SRGAP1: variants seen among roughly 807,000 people sequenced by gnomAD.
SRGAP1 encodes the protein SLIT-ROBO Rho GTPase activating protein 1.
Under a neutral mutation model 121.9 loss-of-function variants are expected in SRGAP1, and 43 were observed. The ratio of observed to expected loss-of-function variants is 0.35; its 90% CI spans 0.28 to 0.46. SRGAP1 has a LOEUF of 0.46. Among genes scored for constraint, SRGAP1 ranks in the 20% least tolerant of loss-of-function variants. The pLI is 1.00. For missense variants in SRGAP1, 1,102 were observed against 1,350.9 expected (o/e 0.82, Z 2.89); for synonymous variants, 447 against 485.4 (o/e 0.92, Z 1.04).
chr12:64,016,296 G>A (rs1301884745), intron 3 of SRGAP1, among the ~76,000 whole-genome samples: 1 of 152,012 alleles, frequency 6.6e-6, no homozygotes, highest in African/African-American at 2.4e-5. Context: ...AACTAGTTGA[G>A]CTTGGTTGCA....
At chr12:64,007,568 T>C (rs1323260243) in intron 3 of SRGAP1, among the ~76,000 whole-genome samples, 1 of 152,058 alleles carries the variant, frequency 6.6e-6, no homozygotes, top group Non-Finnish European at 1.5e-5. Context: ...ACCCCTGATA[T>C]AAGGAGCAGT....
intron 17 of SRGAP1, among the ~76,000 whole-genome samples, chr12:64,112,501 T>C (rs1463621473): frequency 6.6e-6 from 1 of 152,224 alleles, no homozygotes; most frequent in Non-Finnish European, 1.5e-5. Context: ...TATATTAATA[T>C]ATTTTGGGGA....
intron 2 of SRGAP1, among the ~76,000 whole-genome samples, chr12:63,987,827 G>A (rs979064480): frequency 4.6e-5 from 7 of 152,194 alleles, no homozygotes; most frequent in Non-Finnish European, 7.3e-5. Context: ...ATACCAGCCC[G>A]TGATAAAACA....
In SRGAP1 at chr12:64,039,628, C is replaced by T. The variant is rs564911238; in HGVS notation, c.490-3162C>T. The stretch of plus-strand genomic sequence containing the variant: ...AGCAAGAATACAGACAGCTGAGCAA[C>T]GTGTGTGTGTGTGTGTGTGTGTGTG... On this transcript the variant is annotated intron_variant, in intron 4 of 21. Transcript: ENST00000355086. Among the ~76,000 whole-genome samples, 455 of 130,894 alleles carry T rather than the reference C, an allele frequency of 3.5e-3. 5 individuals are homozygous for T. The highest frequency in any genetic ancestry group is 0.012 in the African/African-American group (427 of 36,720). 85.9% of individuals were successfully genotyped at this position (130,894 alleles called of 152,430 possible).
At chr12:64,042,527 A>T (rs576366535) in intron 4 of SRGAP1, among the ~76,000 whole-genome samples, 10 of 152,160 alleles carry the variant, frequency 6.6e-5, no homozygotes, top group Non-Finnish European at 1.5e-4. Context: ...GTACATTGAA[A>T]AGTATGCATA....
intron 5 of SRGAP1, among the ~76,000 whole-genome samples, 173 bp downstream of exon 5, chr12:64,043,145 A>G (rs961901733): frequency 5.3e-5 from 8 of 152,230 alleles, no homozygotes; most frequent in Non-Finnish European, 7.3e-5. Context: ...TAACAGCTGG[A>G]CATCATTTAG....
chr12:64,014,694 A>G (rs996055610), intron 3 of SRGAP1, among the ~76,000 whole-genome samples: 3 of 152,102 alleles, frequency 2.0e-5, no homozygotes, highest in Non-Finnish European at 4.4e-5. Flanking sequence ...TATAACCCCA[A>G]ACCTAAATCT....
At chr12:63,922,627 C>T (rs1417567064) in intron 1 of SRGAP1, among the ~76,000 whole-genome samples, 1 of 152,186 alleles carries the variant, frequency 6.6e-6, no homozygotes, top group Non-Finnish European at 1.5e-5. Flanking sequence ...CTTCACATTC[C>T]AGCCATACCA....
chr12:63,957,642 T>C (rs562847020), intron 1 of SRGAP1, among the ~76,000 whole-genome samples: 3 of 152,168 alleles, frequency 2.0e-5, no homozygotes, highest in Non-Finnish European at 2.9e-5. Flanking sequence ...AAATTTCATA[T>C]TGAAAAAGAA....
rs549538558 is a variant in SRGAP1 at position 64,086,865 on chromosome 12, T to C, written c.1409-134T>C. 3.4e-5 allele frequency: 22 copies of C among 639,214 alleles called. No homozygotes were observed. The East Asian group carries it at 6.2e-4, about 18-fold the overall frequency. 39.6% of individuals were successfully genotyped at this position (639,214 alleles called of 1,614,324 possible). A position where few individuals can be genotyped will look rare whatever the true frequency, so the allele number is the denominator to read the frequency against. On this transcript the variant is annotated intron_variant, in intron 10 of 21. Coordinates refer to ENST00000355086, the MANE Select transcript of SRGAP1 (RefSeq NM_020762.4). ...TGTCTATCTTCATATGCTATCCTCATGTTTTCTGCCATAAAAACGTGTAAG... is the reference window on the plus strand; with the variant it reads ...TGTCTATCTTCATATGCTATCCTCACGTTTTCTGCCATAAAAACGTGTAAG...
Position 64,149,499 on chromosome 12 carries a change from A to T in SRGAP1, c.*6827A>T, listed in dbSNP as rs1379563092. The stretch of plus-strand genomic sequence containing the variant: ...GTAGAGTTGTTCCAGGAAAGACTCC[A>T]CCATCCTGCTACCCTCAAATCTTAA... On this transcript the variant is annotated 3_prime_UTR_variant, in exon 22 of 22. Coordinates refer to ENST00000355086, the MANE Select transcript of SRGAP1 (RefSeq NM_020762.4). 1 of 152,204 alleles carries T rather than the reference A, an allele frequency of 6.6e-6. No individual in the cohort carries two copies. The highest frequency in any genetic ancestry group is 1.5e-5 in the Non-Finnish European group (1 of 68,070). 9.4% of individuals were successfully genotyped at this position (152,204 alleles called of 1,614,324 possible). A position where few individuals can be genotyped will look rare whatever the true frequency, so the allele number is the denominator to read the frequency against.
chr12:63,910,342 A>G (rs1433094308), intron 1 of SRGAP1, among the ~76,000 whole-genome samples: 2 of 152,172 alleles, frequency 1.3e-5, no homozygotes, highest in Non-Finnish European at 2.9e-5. Context: ...TGGCAGCCCA[A>G]TTATTTTCAC....
At chr12:63,913,711 A>G (rs1197740402) in intron 1 of SRGAP1, among the ~76,000 whole-genome samples, 1 of 151,726 alleles carries the variant, frequency 6.6e-6, no homozygotes, top group African/African-American at 2.4e-5. Flanking sequence ...ATATTTGTAC[A>G]TGGACCACAA....
chr12:63,850,596 ATTTT>A (rs34957489), intron 1 of SRGAP1, among the ~76,000 whole-genome samples: 1 of 124,308 alleles, frequency 8.0e-6, no homozygotes, highest in African/African-American at 3.1e-5. Flanking sequence ...ATACCTGGCT[ATTTT>A]TTTTTTTTTT....
At chr12:64,073,478 C>G (rs1565668424) in intron 8 of SRGAP1, among the ~76,000 whole-genome samples, 1 of 152,150 alleles carries the variant, frequency 6.6e-6, no homozygotes, top group Non-Finnish European at 1.5e-5. Context: ...ACAGTTGTCC[C>G]TTGGCATCCA....
intron 1 of SRGAP1, among the ~76,000 whole-genome samples, chr12:63,854,827 G>C (rs1323587871): frequency 6.6e-6 from 1 of 152,114 alleles, no homozygotes; most frequent in Non-Finnish European, 1.5e-5. Flanking sequence ...TGTATAAAAT[G>C]CTGTAGGTGT....
At chr12:63,914,785 C>T (rs943101321) in intron 1 of SRGAP1, among the ~76,000 whole-genome samples, 1 of 151,876 alleles carries the variant, frequency 6.6e-6, no homozygotes, top group Non-Finnish European at 1.5e-5. Context: ...TATTTTTTTC[C>T]GTACTTTTTT....
chr12:63,877,865 C>G (rs1318101374), intron 1 of SRGAP1, among the ~76,000 whole-genome samples: 1 of 152,186 alleles, frequency 6.6e-6, no homozygotes, highest in Non-Finnish European at 1.5e-5. Context: ...TTACTGAAAT[C>G]CTCACAAATA....
chr12:63,944,918 C>T (rs1477252013), intron 1 of SRGAP1, among the ~76,000 whole-genome samples: 1 of 152,170 alleles, frequency 6.6e-6, no homozygotes, highest in Non-Finnish European at 1.5e-5. Context: ...GCAGCAAGCA[C>T]CGCTTCCTAG....
Sources: gnomAD v4.1 joint callset for allele counts (sites outside exome capture counted in the v4.1 genomes callset) on GRCh38, gnomAD v4.1.1 for gene constraint, MANE v1.5 for transcripts, NCBI Gene and HGNC (gene_info 2026-07-23, HGNC 2026-07-21) for gene names.